Variants in DIAPH3 observed in about 807,000 individuals in gnomAD.
DIAPH3 encodes the protein diaphanous related formin 3.
A neutral mutation model predicts 144.3 loss-of-function variants in DIAPH3; 117 were observed. The ratio of observed to expected loss-of-function variants is 0.81; its 90% CI spans 0.70 to 0.95. The LOEUF (loss-of-function observed/expected upper bound fraction) is 0.95, where lower values mean the gene tolerates loss of function less well. Ranked by LOEUF, DIAPH3 falls within the 40% of genes least tolerant of loss-of-function variation. The probability of loss-of-function intolerance (pLI) is 0.00; values close to 1 mark genes in which losing one functional copy is unlikely to be tolerated. For missense variants in DIAPH3, 1,421 were observed against 1,412.7 expected (o/e 1.01, Z -0.09); for synonymous variants, 519 against 488.9 (o/e 1.06, Z -0.81).
At chr13:60,029,695 T>C (rs1002580780) in intron 5 of DIAPH3, among the ~76,000 whole-genome samples, 1 of 152,202 alleles carries the variant, frequency 6.6e-6, no homozygotes, top group Admixed American at 6.5e-5. Flanking sequence ...AGCAGAACTG[T>C]GGGTCAATTA....
rs757423480 is a variant in DIAPH3, at chr13:60,055,155, T to C, written c.496-12335A>G. On this transcript the variant is annotated intron_variant, in intron 4 of 27. Coordinates refer to ENST00000400324, the MANE Select transcript of DIAPH3 (RefSeq NM_001042517.2). ...AACTATATTTTACCCAAAAAAAAGA[T>C]AAAGTACAGAAAATATGCTACTTCC... Among the ~76,000 whole-genome samples the C allele has an allele frequency of 2.6e-5, 4 of 151,980 alleles. No homozygotes were observed. In the East Asian group the frequency reaches 7.7e-4, roughly 29 times the overall value.
intron 27 of DIAPH3, among the ~76,000 whole-genome samples, chr13:59,757,006 G>A (rs1302729360): frequency 6.6e-6 from 1 of 152,082 alleles, no homozygotes; most frequent in Non-Finnish European, 1.5e-5. Context: ...TACTGAGAAG[G>A]TTCTCCCTCC....
At chr13:59,886,590 A>C (rs1413608349) in intron 20 of DIAPH3, among the ~76,000 whole-genome samples, 3 of 152,082 alleles carry the variant, frequency 2.0e-5, no homozygotes, top group Non-Finnish European at 4.4e-5. Context: ...CTTCCAGTCT[A>C]TAAGCATAAT....
At chr13:59,685,528 C>T (rs2033170215) in intron 27 of DIAPH3, among the ~76,000 whole-genome samples, 2 of 152,110 alleles carry the variant, frequency 1.3e-5, no homozygotes, top group Non-Finnish European at 2.9e-5. Flanking sequence ...TGTTTATCTC[C>T]ATTTCCCAAC....
intron 4 of DIAPH3, among the ~76,000 whole-genome samples, chr13:60,047,772 C>T (rs576648818): frequency 6.6e-6 from 1 of 152,226 alleles, no homozygotes; most frequent in African/African-American, 2.4e-5. Flanking sequence ...AAATATTGTA[C>T]CTCATTAAAT....
At position 60,138,965 on chromosome 13, in the gene DIAPH3, A is replaced by C. The variant is rs545037300; in HGVS notation, c.181-5976T>G. On this transcript the variant is annotated intron_variant, in intron 1 of 27. Coordinates refer to ENST00000400324, the MANE Select transcript of DIAPH3 (RefSeq NM_001042517.2). ...TTTGAAGTCCAGATTATTCCTTTCCAACAATAATGTATGAATATGTACTTC... is the reference window on the plus strand; with the variant it reads ...TTTGAAGTCCAGATTATTCCTTTCCCACAATAATGTATGAATATGTACTTC... Among the ~76,000 whole-genome samples the C allele has an allele frequency of 6.3e-4, 96 of 152,352 alleles. 1 individual carries two copies. The highest frequency in any genetic ancestry group is 7.2e-4 in the Admixed American group (11 of 15,302).
At chr13:60,156,515 A>T (rs922028127) in intron 1 of DIAPH3, among the ~76,000 whole-genome samples, 8 of 152,126 alleles carry the variant, frequency 5.3e-5, no homozygotes, top group Admixed American at 4.6e-4. Flanking sequence ...GGCCCAAAGA[A>T]GAGATGAAAG....
chr13:59,736,601 A>G (rs1393653046), intron 27 of DIAPH3, among the ~76,000 whole-genome samples: 5 of 152,340 alleles, frequency 3.3e-5, no homozygotes, highest in Middle Eastern at 3.4e-3. Context: ...CAAAAAATAG[A>G]TTCAATGCTA....
chr13:59,899,635 C>CTTTCCTCT (rs970313419), intron 20 of DIAPH3, among the ~76,000 whole-genome samples: 1 of 152,172 alleles, frequency 6.6e-6, no homozygotes, highest in Non-Finnish European at 1.5e-5. Context: ...GAATTCTGGA[C>CTTTCCTCT]TTTCCTCTGA....
chr13:59,726,308 TACAATAAA>T (rs1426278755), intron 27 of DIAPH3, among the ~76,000 whole-genome samples: 1 of 152,180 alleles, frequency 6.6e-6, no homozygotes, highest in Non-Finnish European at 1.5e-5. Flanking sequence ...GGAATGCACA[TACAATAAA>T]ACAAGGATCA....
At chr13:59,806,838 A>G (rs1395793339) in intron 25 of DIAPH3, among the ~76,000 whole-genome samples, 2 of 151,882 alleles carry the variant, frequency 1.3e-5, no homozygotes, top group Non-Finnish European at 3.0e-5. Flanking sequence ...CAATGTCTTT[A>G]TTGAAGATCA....
intron 20 of DIAPH3, among the ~76,000 whole-genome samples, chr13:59,908,577 G>C (rs529186109): frequency 6.6e-6 from 1 of 151,820 alleles, no homozygotes; most frequent in African/African-American, 2.4e-5. Context: ...TTCTTATGGA[G>C]AATTAAAGTT....
chr13:59,815,977 C>T (rs1371921447), intron 24 of DIAPH3, among the ~76,000 whole-genome samples: 1 of 152,058 alleles, frequency 6.6e-6, no homozygotes, highest in African/African-American at 2.4e-5. Flanking sequence ...TGACTCCTTT[C>T]CTACTTTGGA....
chr13:59,770,251 G>T (rs946766133), intron 27 of DIAPH3, among the ~76,000 whole-genome samples: 5 of 152,094 alleles, frequency 3.3e-5, no homozygotes, highest in African/African-American at 9.7e-5. Flanking sequence ...GACATTAAGA[G>T]ATTTGATTTT....
intron 4 of DIAPH3, among the ~76,000 whole-genome samples, chr13:60,047,727 T>C (rs1046052219): frequency 1.3e-5 from 2 of 152,200 alleles, no homozygotes; most frequent in African/African-American, 4.8e-5. Flanking sequence ...AAAGATTTCT[T>C]AAATAGGACA....
chr13:59,815,182 T>G (rs1233538920), intron 24 of DIAPH3, among the ~76,000 whole-genome samples: 2 of 152,236 alleles, frequency 1.3e-5, no homozygotes, highest in African/African-American at 2.4e-5. Flanking sequence ...TCACTTCTTT[T>G]GGATTTCAAT....
chr13:59,934,503 A>G (rs1170515052), intron 17 of DIAPH3, among the ~76,000 whole-genome samples: 1 of 152,198 alleles, frequency 6.6e-6, no homozygotes, highest in Non-Finnish European at 1.5e-5. Flanking sequence ...AATGAAAAAC[A>G]CCAGTCCCTG....
At chr13:59,961,186 A>C (rs542367520) in intron 17 of DIAPH3, among the ~76,000 whole-genome samples, 1 of 152,324 alleles carries the variant, frequency 6.6e-6, no homozygotes, top group South Asian at 2.1e-4. Flanking sequence ...ATGATACACA[A>C]AACTTTACAA....
intron 20 of DIAPH3, among the ~76,000 whole-genome samples, chr13:59,891,944 A>T (rs9598070): frequency 0.5 from 75,507 of 151,756 alleles, 20,052 homozygotes; most frequent in Non-Finnish European, 0.58. Flanking sequence ...TTGTGTATCA[A>T]ATATTTATTG....
Sources: gnomAD v4.1 joint callset for allele counts (sites outside exome capture counted in the v4.1 genomes callset) on GRCh38, gnomAD v4.1.1 for gene constraint, MANE v1.5 for transcripts, NCBI Gene and HGNC (gene_info 2026-07-23, HGNC 2026-07-21) for gene names.